The following PRKAR1A variants were observed in gnomAD, a reference collection of about 807,000 sequenced individuals.
PRKAR1A encodes the protein protein kinase cAMP-dependent type I regulatory subunit alpha, also known as cAMP-dependent protein kinase type I-alpha regulatory subunit.
In PRKAR1A, 3 loss-of-function variants were observed where a neutral mutation model predicts 52.0. The observed-to-expected ratio is 0.06, with a 90% CI of 0.03 to 0.15. PRKAR1A has a LOEUF of 0.15. Ranked by LOEUF, PRKAR1A falls within the 10% of genes least tolerant of loss-of-function variation. The pLI, the probability that PRKAR1A is intolerant of heterozygous loss-of-function variation, is 1.00. For missense variants in PRKAR1A, 240 were observed against 477.4 expected (o/e 0.50, Z 4.63); for synonymous variants, 188 against 168.4 (o/e 1.12, Z -0.90).
chr17:68,543,483 C>A, intron 11 of PRKAR1A: 1 of 695,442 alleles, frequency 1.4e-6, no homozygotes, highest in South Asian at 1.7e-5. Context: ...ATTTTGAGTT[C>A]AAAGACACCA....
the PRKAR1A span, among the ~76,000 whole-genome samples, chr17:68,445,403 C>A: frequency 1.4e-4 from 21 of 152,190 alleles, no homozygotes; most frequent in Non-Finnish European, 2.9e-4. Context: ...TTACCCCTCT[C>A]TGAATAATTA....
the PRKAR1A span, among the ~76,000 whole-genome samples, chr17:68,457,903 G>A: frequency 6.6e-6 from 1 of 152,224 alleles, no homozygotes; most frequent in Admixed American, 6.5e-5. Flanking sequence ...AGGGAAGAAG[G>A]AATGCGGCTG....
the PRKAR1A span, among the ~76,000 whole-genome samples, chr17:68,438,464 T>C: frequency 6.6e-6 from 1 of 152,228 alleles, no homozygotes; most frequent in Non-Finnish European, 1.5e-5. Context: ...GGTTGTCTTG[T>C]GTGCTGGGTT....
the PRKAR1A span, chr17:68,444,357 A>G: frequency 1.3e-6 from 1 of 750,074 alleles, no homozygotes; most frequent in Non-Finnish European, 2.2e-6. Flanking sequence ...ATTAAGACAA[A>G]GCTTCGAGAT....
At chr17:68,497,304 A>G in the PRKAR1A span, among the ~76,000 whole-genome samples, 1 of 152,206 alleles carries the variant, frequency 6.6e-6, no homozygotes, top group Admixed American at 6.5e-5. Flanking sequence ...AGTGGTTGCA[A>G]CAAAGACCTT....
the PRKAR1A span, among the ~76,000 whole-genome samples, chr17:68,494,843 G>T: frequency 6.6e-6 from 1 of 152,144 alleles, no homozygotes. Flanking sequence ...TGGAACAGAA[G>T]AATCCCCCTA....
chr17:68,520,640 A>G lies in PRKAR1A; in HGVS notation c.178-2116A>G, dbSNP rs146811441. On this transcript the variant is annotated intron_variant, in intron 2 of 10. Coordinates refer to ENST00000589228, the MANE Select transcript of PRKAR1A (RefSeq NM_002734.5). ...ACAGCAAGAGAAAGGATATAAAAAT[A>G]TATCATAGTATATACTAGAAAACTC... is the stretch of plus-strand genomic sequence containing the variant. Among the ~76,000 whole-genome samples the G allele has an allele frequency of 2.5e-4, 38 of 152,250 alleles. No homozygotes were observed. In the East Asian group the frequency reaches 5.2e-3, roughly 21 times the overall value.
chr17:68,514,164 GTTAA>G (rs1426594964), intron 1 of PRKAR1A, among the ~76,000 whole-genome samples: 6 of 152,196 alleles, frequency 3.9e-5, no homozygotes, highest in African/African-American at 1.2e-4. Flanking sequence ...CTAATGGTCT[GTTAA>G]TTAGTCTACT....
the PRKAR1A span, chr17:68,448,165 C>A: frequency 6.6e-6 from 1 of 152,136 alleles, no homozygotes; most frequent in Non-Finnish European, 1.5e-5. Context: ...TTTATCATTT[C>A]CCCAGAGTGG....
intron 2 of PRKAR1A, 66 bp downstream of exon 2, chr17:68,515,642 T>A: frequency 6.6e-7 from 1 of 1,524,778 alleles, no homozygotes. Flanking sequence ...AACTGGAATG[T>A]TACTAATTTG....
intron 8 of PRKAR1A, 29 bp from the exon 9 acceptor site, chr17:68,528,841 G>A (rs2085875046): frequency 6.2e-7 from 1 of 1,611,790 alleles, no homozygotes; most frequent in Admixed American, 1.7e-5. Flanking sequence ...AAATAATACA[G>A]AGCAGTTATT....
At chr17:68,533,537 C>T (rs2086033499), downstream of PRKAR1A, 1 of 663,570 alleles carries the variant, frequency 1.5e-6, no homozygotes, top group African/African-American at 2.0e-5. Context: ...TAAATATTGA[C>T]ATTTAAAAAT....
chr17:68,549,361 G>A (rs1047426241), intron 11 of PRKAR1A, among the ~76,000 whole-genome samples: 9 of 152,064 alleles, frequency 5.9e-5, no homozygotes, highest in Non-Finnish European at 1.2e-4. Context: ...AGGTGTGGTG[G>A]TACACATCTA....
the PRKAR1A span, chr17:68,450,850 G>T: frequency 6.2e-7 from 1 of 1,614,092 alleles, no homozygotes; most frequent in Non-Finnish European, 8.5e-7. Flanking sequence ...ACCACCACCA[G>T]GCTGCTGGAG....
chr17:68,524,567 T>G (rs2085723170), intron 5 of PRKAR1A, among the ~76,000 whole-genome samples: 1 of 152,202 alleles, frequency 6.6e-6, no homozygotes, highest in South Asian at 2.1e-4. Flanking sequence ...ATTTTATGAG[T>G]GGGTATATAT....
In PRKAR1A at chr17:68,539,925, C is replaced by T; in HGVS notation, c.973+9924C>T. 11 of 1,614,196 alleles carry T rather than the reference C, an allele frequency of 6.8e-6. No individual in the cohort carries two copies. The highest frequency in any genetic ancestry group is 1.1e-5 in the South Asian group (1 of 91,074). On this transcript the variant is annotated intron_variant, in intron 11 of 11. Transcript: ENST00000585981. Reference sequence around the variant, plus strand: ...AGGTGAATAAGGAACCCATCATCCCCGAACTTGGTGAACATCTCATAATGG... The same window carrying T: ...AGGTGAATAAGGAACCCATCATCCCTGAACTTGGTGAACATCTCATAATGG...
chr17:68,432,860 T>C, the PRKAR1A span, among the ~76,000 whole-genome samples: 1 of 152,226 alleles, frequency 6.6e-6, no homozygotes, highest in Non-Finnish European at 1.5e-5. Flanking sequence ...CTCCTCCATC[T>C]TTCCAGAATT....
the PRKAR1A span, chr17:68,427,124 T>C: frequency 1.1e-4 from 175 of 1,611,120 alleles, no homozygotes; most frequent in African/African-American, 1.9e-3. Flanking sequence ...GTTGGCCCCG[T>C]GTCCACCCAC....
upstream of PRKAR1A, among the ~76,000 whole-genome samples, chr17:68,510,309 G>A (rs1269751649): frequency 6.6e-6 from 1 of 151,994 alleles, no homozygotes; most frequent in African/African-American, 2.4e-5. Context: ...GTTTTTTTCT[G>A]TAACAATAAC....
Sources: gnomAD v4.1 joint callset for allele counts (sites outside exome capture counted in the v4.1 genomes callset) on GRCh38, gnomAD v4.1.1 for gene constraint, MANE v1.5 for transcripts, NCBI Gene and HGNC (gene_info 2026-07-23, HGNC 2026-07-21) for gene names.